Variants in PSD3 observed in about 807,000 individuals in gnomAD.
The protein encoded by PSD3 is PH and SEC7 domain-containing protein 3.
Under a neutral mutation model 105.5 loss-of-function variants are expected in PSD3, and 49 were observed. The ratio of observed to expected loss-of-function variants is 0.46; its 90% CI spans 0.37 to 0.59. The LOEUF (loss-of-function observed/expected upper bound fraction) is 0.59. Among genes scored for constraint, PSD3 ranks in the 20% least tolerant of loss-of-function variants. The pLI, the probability that PSD3 is intolerant of heterozygous loss-of-function variation, is 0.00. For synonymous variants in PSD3, 557 were observed against 457.8 expected, an observed-to-expected ratio of 1.22 and a Z score of -2.77; for missense variants, 1,561 against 1,263.8, an observed-to-expected ratio of 1.24 and a Z score of -3.57.
At chr8:18,620,564 T>TGG (rs1271402753) in intron 11 of PSD3, among the ~76,000 whole-genome samples, 2 of 151,854 alleles carry the variant, frequency 1.3e-5, no homozygotes, top group Non-Finnish European at 2.9e-5. Flanking sequence ...AAAAAATTAG[T>TGG]GGGGTGTGAC....
chr8:18,865,353 C>T (rs1251115106), intron 4 of PSD3: 58 of 134,074 alleles, frequency 4.3e-4, no homozygotes, highest in Non-Finnish European at 8.5e-4. Context: ...TGTTCTCATT[C>T]TCTAACCCAC....
chr8:18,731,336 A>C (rs1803736519), intron 9 of PSD3, among the ~76,000 whole-genome samples: 1 of 152,268 alleles, frequency 6.6e-6, no homozygotes, highest in Non-Finnish European at 1.5e-5. Context: ...TCATGGAGTC[A>C]GTGTTAAAAA....
intron 4 of PSD3, among the ~76,000 whole-genome samples, chr8:18,848,698 C>T (rs1815317831): frequency 6.6e-6 from 1 of 152,074 alleles, no homozygotes; most frequent in Non-Finnish European, 1.5e-5. Flanking sequence ...TGTTTTTCTC[C>T]TTTAAAGAAA....
intron 1 of PSD3, among the ~76,000 whole-genome samples, chr8:19,059,512 G>C (rs1828820934): frequency 6.6e-6 from 1 of 152,174 alleles, no homozygotes; most frequent in Admixed American, 6.5e-5. Flanking sequence ...TTTTAGAAAA[G>C]TCTAAGATTT....
chr8:18,893,902 G>A (rs1818976010), intron 2 of PSD3, among the ~76,000 whole-genome samples: 1 of 152,192 alleles, frequency 6.6e-6, no homozygotes, highest in Non-Finnish European at 1.5e-5. Flanking sequence ...AGTGATAGGT[G>A]AAGGCCCAGG....
chr8:18,727,984 A>G (rs774415052), intron 9 of PSD3, among the ~76,000 whole-genome samples: 2 of 152,092 alleles, frequency 1.3e-5, no homozygotes, highest in Non-Finnish European at 2.9e-5. Context: ...TCACTGTTAT[A>G]TCTTCACCAC....
At chr8:18,666,419 T>G (rs892496334) in intron 9 of PSD3, among the ~76,000 whole-genome samples, 5 of 152,240 alleles carry the variant, frequency 3.3e-5, no homozygotes, top group African/African-American at 1.2e-4. Flanking sequence ...TCGCGGTATT[T>G]GTTTTATTGC....
chr8:18,628,798 C>G (rs560977072), intron 11 of PSD3, among the ~76,000 whole-genome samples: 182 of 146,446 alleles, frequency 1.2e-3, no homozygotes, highest in African/African-American at 4.9e-3. Flanking sequence ...GCAGCAAACA[C>G]TAAAATAATT....
At chr8:18,655,332 A>AG (rs1808812640) in intron 10 of PSD3, among the ~76,000 whole-genome samples, 1 of 123,722 alleles carries the variant, frequency 8.1e-6, no homozygotes, top group South Asian at 2.2e-4. Context: ...CCACCTCAAA[A>AG]AAAAAAAAAA....
intron 1 of PSD3, among the ~76,000 whole-genome samples, chr8:18,959,777 C>T (rs933638036): frequency 6.6e-6 from 1 of 152,206 alleles, no homozygotes; most frequent in African/African-American, 2.4e-5. Flanking sequence ...GCCAGCAAGG[C>T]CAGGTCTGTT....
At chr8:18,812,933 A>C (rs1404002497) in intron 4 of PSD3, among the ~76,000 whole-genome samples, 1 of 152,154 alleles carries the variant, frequency 6.6e-6, no homozygotes, top group Non-Finnish European at 1.5e-5. Context: ...AGGAACAACA[A>C]TCAGACTTGG....
chr8:18,807,233 G>A (rs762156816), intron 4 of PSD3, among the ~76,000 whole-genome samples: 2 of 152,152 alleles, frequency 1.3e-5, no homozygotes, highest in Non-Finnish European at 2.9e-5. Context: ...CTGGCCTTAT[G>A]CTTCAAGGTC....
intron 9 of PSD3, among the ~76,000 whole-genome samples, chr8:18,682,456 C>G (rs1173691424): frequency 6.6e-6 from 1 of 152,168 alleles, no homozygotes; most frequent in Non-Finnish European, 1.5e-5. Context: ...CACAGGTGGT[C>G]TCATAACACT....
At chr8:18,569,469 C>T (rs1802014067) in intron 14 of PSD3, among the ~76,000 whole-genome samples, 1 of 150,094 alleles carries the variant, frequency 6.7e-6, no homozygotes, top group East Asian at 2.0e-4. Context: ...AACAGACAAA[C>T]AGAGAGCCAA....
intron 8 of PSD3, among the ~76,000 whole-genome samples, chr8:18,778,818 C>T (rs1258493933): frequency 6.6e-6 from 1 of 151,938 alleles, no homozygotes; most frequent in Non-Finnish European, 1.5e-5. Context: ...ACTTGATCAT[C>T]GTGAATGATC....
At chr8:18,546,449 G>A (rs1247192850) in intron 15 of PSD3, among the ~76,000 whole-genome samples, 1 of 152,198 alleles carries the variant, frequency 6.6e-6, no homozygotes, top group East Asian at 1.9e-4. Flanking sequence ...CATAAGTTAT[G>A]TGTGACTATG....
intron 8 of PSD3, among the ~76,000 whole-genome samples, chr8:18,795,224 T>C (rs1168365272): frequency 6.6e-6 from 1 of 152,100 alleles, no homozygotes; most frequent in Non-Finnish European, 1.5e-5. Context: ...CTAAAAACAT[T>C]AGTAAGGTCG....
At chr8:18,949,244 A>AAAAAAATATAT (rs1345423514) in intron 1 of PSD3, among the ~76,000 whole-genome samples, 5 of 14,408 alleles carry the variant, frequency 3.5e-4, no homozygotes, top group African/African-American at 4.4e-4. Flanking sequence ...AAAAAAAAAA[A>AAAAAAATATAT]ATATATATAT....
At position 18,949,440 on chromosome 8, in the gene PSD3, C is replaced by G. The variant is rs185518184; in HGVS notation, c.22-13298G>C. Among the ~76,000 whole-genome samples the G allele has an allele frequency of 2.7e-3, 400 of 150,528 alleles. 2 individuals are homozygous for G. The highest frequency in any genetic ancestry group is 9.3e-3 in the African/African-American group (382 of 41,074). On this transcript the variant is annotated intron_variant, in intron 1 of 15. Coordinates refer to ENST00000327040, the MANE Select transcript of PSD3 (RefSeq NM_015310.4). ...TAAACATTCTGAAACTCATGAAATC[C>G]ATGTTGTGATTTACACTAAAATAAC...
Sources: allele counts gnomAD v4.1 joint callset (sites outside exome capture counted in the v4.1 genomes callset), GRCh38; gene constraint gnomAD v4.1.1; transcripts MANE v1.5; gene names NCBI Gene and HGNC (gene_info 2026-07-23, HGNC 2026-07-21).